Variants in WDFY3 observed in about 807,000 individuals in gnomAD.
WDFY3 encodes the protein WD repeat and FYVE domain containing 3.
Under a neutral mutation model 409.6 loss-of-function variants are expected in WDFY3, and 66 were observed. That is an observed-to-expected ratio of 0.16 (90% CI 0.13 to 0.20). The LOEUF is 0.20. WDFY3 is among the 10% of genes least tolerant of loss of function. The pLI is 1.00. For missense variants in WDFY3, 3,031 were observed against 4,298.1 expected (o/e 0.71, Z 8.24); for synonymous variants, 1,521 against 1,537.1 (o/e 0.99, Z 0.25).
intron 3 of WDFY3, among the ~76,000 whole-genome samples, chr4:84,877,736 G>A (rs1231666749): frequency 6.6e-6 from 1 of 152,128 alleles, no homozygotes; most frequent in East Asian, 1.9e-4. Context: ...ACCAGACAAT[G>A]TAAGATTATG....
At chr4:84,853,275 A>G (rs1417616140) in intron 4 of WDFY3, among the ~76,000 whole-genome samples, 2 of 152,130 alleles carry the variant, frequency 1.3e-5, no homozygotes, top group Admixed American at 1.3e-4. Flanking sequence ...GTTTCAAGTG[A>G]TTCTCCTGCC....
At chr4:84,797,758 A>AT (rs1382036229) in intron 18 of WDFY3, among the ~76,000 whole-genome samples, 2 of 151,244 alleles carry the variant, frequency 1.3e-5, no homozygotes. Context: ...TTTTTTTTGT[A>AT]TTTTTTAGAA....
Position 84,796,765 on chromosome 4 carries a change from G to C in WDFY3, c.2936-13C>G. The C allele has an allele frequency of 6.3e-7, 1 of 1,592,398 alleles. No homozygotes were observed. The highest frequency in any genetic ancestry group is 8.6e-7 in the Non-Finnish European group (1 of 1,164,704). ...GTGATCATACTACCTGTAAGTCAAG[G>C]AAATCTCTTGGGAAAATGTCATATG... is the stretch of plus-strand genomic sequence containing the variant. On this transcript the variant is annotated splice_polypyrimidine_tract_variant and intron_variant, in intron 18 of 67. Coordinates refer to ENST00000295888, the MANE Select transcript of WDFY3 (RefSeq NM_014991.6).
At chr4:84,837,776 C>A (rs1383231482) in intron 6 of WDFY3, among the ~76,000 whole-genome samples, 1 of 152,130 alleles carries the variant, frequency 6.6e-6, no homozygotes, top group African/African-American at 2.4e-5. Flanking sequence ...TTCAACTGCA[C>A]TAGAGATCAA....
intron 19 of WDFY3, among the ~76,000 whole-genome samples, chr4:84,796,125 T>C (rs1749394734): frequency 6.6e-6 from 1 of 152,046 alleles, no homozygotes; most frequent in African/African-American, 2.4e-5. Context: ...AAATATTTAA[T>C]GCTTTGTGAA....
intron 7 of WDFY3, among the ~76,000 whole-genome samples, chr4:84,834,583 AG>A (rs1756290215): frequency 6.6e-6 from 1 of 152,102 alleles, no homozygotes; most frequent in South Asian, 2.1e-4. Flanking sequence ...CCCAAGAGGC[AG>A]AGGTTGCAGT....
At chr4:84,788,998 C>T (rs1009952394) in intron 22 of WDFY3, among the ~76,000 whole-genome samples, 4 of 151,842 alleles carry the variant, frequency 2.6e-5, no homozygotes, top group South Asian at 4.1e-4. Context: ...CCAGCCTGGG[C>T]GACAGAGCAA....
chr4:84,780,474 G>C (rs1312934786), intron 25 of WDFY3, among the ~76,000 whole-genome samples, 176 bp from the exon 26 acceptor site: 1 of 152,130 alleles, frequency 6.6e-6, no homozygotes, highest in African/African-American at 2.4e-5. Context: ...GGCAATACAG[G>C]CTGGCTGGGC....
chr4:84,892,845 G>C (rs1254507513), intron 3 of WDFY3, among the ~76,000 whole-genome samples: 7 of 152,166 alleles, frequency 4.6e-5, no homozygotes, highest in Admixed American at 4.6e-4. Flanking sequence ...GTAAGCTTTG[G>C]AAATAGAATG....
chr4:84,764,698 A>T (rs185445174), intron 32 of WDFY3, among the ~76,000 whole-genome samples: 1 of 142,128 alleles, frequency 7.0e-6, no homozygotes, highest in Admixed American at 7.1e-5. Flanking sequence ...CGTCTCTACT[A>T]AAAAAAAAAA....
chr4:84,742,399 G>A (rs1027931715), intron 37 of WDFY3, among the ~76,000 whole-genome samples: 2 of 152,148 alleles, frequency 1.3e-5, no homozygotes, highest in South Asian at 2.1e-4. Flanking sequence ...CATTGTTGAG[G>A]GGTGTGTTTA....
rs1209195322 is a variant in WDFY3, at chr4:84,737,360, T to C, written c.6581A>G (p.Gln2194Arg). Reference protein sequence around the residue: ...SYSQDISEGRQLLIKAVNRVW... With the variant: ...SYSQDISEGRRLLIKAVNRVW... ...TCTGTTGACAGCTTTTATGAGAAGC[T>C]GACGCCCTAGTAAACAAACAAACAA... Residue 2194 changes from glutamine to arginine, a missense_variant, in exon 41 of 68, where the codon CAG becomes CGG. This residue lies in a region of WDFY3 where 314 missense variants were observed against 397.4 expected (regional missense o/e 0.79). Coordinates refer to ENST00000295888, the MANE Select transcript of WDFY3 (RefSeq NM_014991.6). 1 of 1,565,078 alleles carries C rather than the reference T, an allele frequency of 6.4e-7. No homozygotes were observed. Among genetic ancestry groups the C allele is most frequent in the Non-Finnish European group, 8.6e-7 (1 of 1,156,162 alleles).
At chr4:84,715,854 CAATA>C (rs1397068089) in intron 49 of WDFY3, among the ~76,000 whole-genome samples, 1 of 149,766 alleles carries the variant, frequency 6.7e-6, no homozygotes, top group Non-Finnish European at 1.5e-5. Flanking sequence ...TTAAGCTACA[CAATA>C]AATAGATATT....
intron 21 of WDFY3, 112 bp from the exon 22 acceptor site, chr4:84,790,019 A>C (rs1239657783): frequency 8.7e-7 from 1 of 1,152,564 alleles, no homozygotes; most frequent in Admixed American, 2.5e-5. Context: ...ATAATGATGC[A>C]GACTGATTTG....
intron 5 of WDFY3, among the ~76,000 whole-genome samples, chr4:84,844,874 T>A (rs1234788650): frequency 6.6e-6 from 1 of 151,994 alleles, no homozygotes; most frequent in Non-Finnish European, 1.5e-5. Context: ...ATTAACTGAG[T>A]CACTACTTAC....
chr4:84,702,602 T>A, intron 55 of WDFY3, 96 bp from the exon 56 acceptor site: 7 of 1,095,880 alleles, frequency 6.4e-6, no homozygotes, highest in Non-Finnish European at 8.7e-6. Flanking sequence ...CTATAGTTGG[T>A]GACATTTCAA....
rs1438114529 is a variant in WDFY3, at chr4:84,669,934, C to G, written c.*2934G>C. 2.0e-5 allele frequency: 3 copies of G among 152,454 alleles called. No homozygotes were observed. Among genetic ancestry groups the G allele is most frequent in the Non-Finnish European group, 4.4e-5 (3 of 68,014 alleles). The allele number at this position is 152,454 out of a possible 1,614,324, so 9.4% of individuals were successfully genotyped here. A position where few individuals can be genotyped will look rare whatever the true frequency, so the allele number is the denominator to read the frequency against. ...TGTTAAGAGTCATGCAACAAGTAAC[C>G]AAACTTGCTGAAATTAAAAATACTT... is the stretch of plus-strand genomic sequence containing the variant. On this transcript the variant is annotated 3_prime_UTR_variant, in exon 68 of 68. Coordinates refer to ENST00000295888, the MANE Select transcript of WDFY3 (RefSeq NM_014991.6).
intron 43 of WDFY3, among the ~76,000 whole-genome samples, chr4:84,734,388 A>C (rs1737095064): frequency 6.6e-6 from 1 of 152,330 alleles, no homozygotes; most frequent in Non-Finnish European, 1.5e-5. Flanking sequence ...AACAATTAAA[A>C]AATTATCTAT....
At chr4:84,797,921 T>G (rs1279567095) in intron 18 of WDFY3, 75 bp downstream of exon 18, 5 of 1,354,884 alleles carry the variant, frequency 3.7e-6, no homozygotes. Flanking sequence ...TTTCACAAAC[T>G]TCTTGAAATA....
Sources: gnomAD v4.1 joint callset for allele counts (sites outside exome capture counted in the v4.1 genomes callset) on GRCh38, gnomAD v4.1.1 for gene constraint, gnomAD v4.1.1 regional missense constraint, MANE v1.5 for transcripts, NCBI Gene and HGNC (gene_info 2026-07-23, HGNC 2026-07-21) for gene names.